The following NRG3 variants were observed in gnomAD, a reference collection of about 807,000 sequenced individuals.
The protein encoded by NRG3 is neuregulin 3.
A neutral mutation model predicts 66.9 loss-of-function variants in NRG3; 31 were observed. That is an observed-to-expected ratio of 0.46 (90% confidence interval 0.35 to 0.63). The LOEUF (loss-of-function observed/expected upper bound fraction) is 0.63, where lower values mean the gene tolerates loss of function less well. Among genes scored for constraint, NRG3 ranks in the 20% least tolerant of loss-of-function variants. NRG3 has a pLI of 0.00. For missense variants in NRG3, 910 were observed against 878.9 expected, an observed-to-expected ratio of 1.04 and a Z score of -0.45; for synonymous variants, 393 against 359.4, an observed-to-expected ratio of 1.09 and a Z score of -1.06.
intron 1 of NRG3, among the ~76,000 whole-genome samples, chr10:81,935,473 A>C (rs1169454711): frequency 2.0e-5 from 3 of 152,150 alleles, no homozygotes; most frequent in South Asian, 4.1e-4. Context: ...GTAGCTGAGA[A>C]ACTTTAGAGT....
rs1554831231 is a variant in NRG3 at position 82,132,524 on chromosome 10, TG to T, written c.824-226214del. Reference sequence around the variant, plus strand: ...ATATATCATATATATATGATATATATGATATATATATGATATATATATATCT... The same window carrying T: ...ATATATCATATATATATGATATATATATATATATATGATATATATATATCT... On this transcript the variant is annotated intron_variant, in intron 1 of 8. Transcript: ENST00000372141. 3.8e-4 allele frequency among the ~76,000 whole-genome samples: 8 copies of T among 20,856 alleles called. 2 individuals carry two copies. The highest frequency in any genetic ancestry group is 8.6e-4 in the African/African-American group (6 of 6,952). The allele number at this position is 20,856 out of a possible 152,430, so 13.7% of individuals were successfully genotyped here. A position where few individuals can be genotyped will look rare whatever the true frequency, so the allele number is the denominator to read the frequency against.
rs1374295086 is a variant in NRG3, at chr10:82,404,610, C to T, written c.953+45742C>T. Among the ~76,000 whole-genome samples, 5 of 152,120 alleles carry T rather than the reference C, an allele frequency of 3.3e-5. 1 individual carries two copies. In the South Asian group the frequency reaches 6.2e-4, roughly 19 times the overall value. On this transcript the variant is annotated intron_variant, in intron 2 of 8. Transcript: ENST00000372141. ...GATGAATGGGTAATAAATAGAGAGA[C>T]ATTTTACTACATAAAAGCTTTCCTA...
chr10:82,785,421 C>T (rs1431097800), intron 3 of NRG3, among the ~76,000 whole-genome samples: 1 of 151,506 alleles, frequency 6.6e-6, no homozygotes, highest in Non-Finnish European at 1.5e-5. Context: ...AGAACTGTAG[C>T]GAGAGCCTAC....
At chr10:82,192,359 G>A (rs1219014249) in intron 1 of NRG3, among the ~76,000 whole-genome samples, 2 of 152,150 alleles carry the variant, frequency 1.3e-5, no homozygotes, top group African/African-American at 4.8e-5. Context: ...CTTTTAATTA[G>A]TAACAGGTAT....
intron 2 of NRG3, among the ~76,000 whole-genome samples, chr10:82,638,343 G>T (rs1000165064): frequency 6.6e-6 from 1 of 152,282 alleles, no homozygotes. Flanking sequence ...TTAGGTGGAT[G>T]AAATATTTTG....
At chr10:81,946,018 C>T (rs1051333763) in intron 1 of NRG3, among the ~76,000 whole-genome samples, 1 of 152,098 alleles carries the variant, frequency 6.6e-6, no homozygotes, top group African/African-American at 2.4e-5. Flanking sequence ...TTGCTGATAC[C>T]TTGATCTTCT....
chr10:82,506,579 A>C (rs1844702126), intron 2 of NRG3, among the ~76,000 whole-genome samples: 1 of 151,346 alleles, frequency 6.6e-6, no homozygotes, highest in African/African-American at 2.4e-5. Context: ...TTTCCTGCCT[A>C]CCTACCTTTC....
chr10:82,693,706 T>TC (rs2055131335), intron 2 of NRG3, among the ~76,000 whole-genome samples: 1 of 152,204 alleles, frequency 6.6e-6, no homozygotes, highest in Non-Finnish European at 1.5e-5. Flanking sequence ...GTTACAGCTC[T>TC]TAAAGGTGGT....
intron 3 of NRG3, among the ~76,000 whole-genome samples, chr10:82,854,833 A>G (rs548032141): frequency 6.6e-6 from 1 of 152,262 alleles, no homozygotes; most frequent in South Asian, 2.1e-4. Context: ...AATTCTTTTC[A>G]CTACATTCTC....
chr10:82,332,528 G>A (rs567185515), intron 1 of NRG3, among the ~76,000 whole-genome samples: 75 of 152,200 alleles, frequency 4.9e-4, no homozygotes, highest in African/African-American at 1.6e-3. Context: ...ATGATCAGCC[G>A]CTGACCCAAC....
At chr10:82,932,805 T>C (rs1248525017) in intron 4 of NRG3, among the ~76,000 whole-genome samples, 4 of 152,292 alleles carry the variant, frequency 2.6e-5, no homozygotes, top group East Asian at 1.9e-4. Flanking sequence ...GTCAGAGACC[T>C]TGTGGTCATC....
At position 82,635,666 on chromosome 10, in the gene NRG3, A is replaced by G. The variant is rs902355023; in HGVS notation, c.954-102911A>G. Among the ~76,000 whole-genome samples, 3 of 152,310 alleles carry G rather than the reference A, an allele frequency of 2.0e-5. No homozygotes were observed. The East Asian group carries it at 5.8e-4, about 29-fold the overall frequency. ...AATACATTTTTTGGTTTGAAACAACAGGCTAGACATCCATAGTATTACTTG... is the reference window on the plus strand; with the variant it reads ...AATACATTTTTTGGTTTGAAACAACGGGCTAGACATCCATAGTATTACTTG... On this transcript the variant is annotated intron_variant, in intron 2 of 8. Transcript: ENST00000372141.
chr10:82,356,390 G>T (rs988861505), intron 1 of NRG3, among the ~76,000 whole-genome samples: 2 of 152,170 alleles, frequency 1.3e-5, no homozygotes, highest in Admixed American at 1.3e-4. Context: ...AACTGATCAT[G>T]AGTTAATATA....
intron 1 of NRG3, among the ~76,000 whole-genome samples, chr10:82,280,681 T>G (rs1333468318): frequency 3.9e-5 from 6 of 152,138 alleles, no homozygotes; most frequent in African/African-American, 1.4e-4. Context: ...TCATCTCCAT[T>G]TAGACTACAC....
intron 3 of NRG3, among the ~76,000 whole-genome samples, chr10:82,832,359 C>G (rs1431140762): frequency 3.6e-4 from 55 of 152,158 alleles, no homozygotes; most frequent in Non-Finnish European, 2.5e-4. Flanking sequence ...ATCCCTCCTC[C>G]TTGTTGCTGA....
intron 4 of NRG3, among the ~76,000 whole-genome samples, chr10:82,870,459 A>G (rs1019059296): frequency 2.6e-5 from 4 of 152,164 alleles, no homozygotes; most frequent in African/African-American, 9.7e-5. Context: ...AAAAAGCATG[A>G]CTGCTGGGTC....
At chr10:82,973,691 A>G in intron 6 of NRG3, 97 bp from the exon 7 acceptor site, 1 of 1,349,514 alleles carries the variant, frequency 7.4e-7, no homozygotes, top group Non-Finnish European at 1.1e-6. Flanking sequence ...ACCAGGAGGA[A>G]CTGGCATTCC....
intron 2 of NRG3, among the ~76,000 whole-genome samples, chr10:82,712,673 G>T (rs2056744071): frequency 6.6e-6 from 1 of 152,146 alleles, no homozygotes. Context: ...GCTGGTCAGG[G>T]CAGGGCTCAC....
At chr10:82,213,904 C>T (rs1475360898) in intron 1 of NRG3, among the ~76,000 whole-genome samples, 1 of 152,070 alleles carries the variant, frequency 6.6e-6, no homozygotes, top group Non-Finnish European at 1.5e-5. Flanking sequence ...TTCGACTGCT[C>T]AAACCCATTG....
Sources: gnomAD v4.1 joint callset for allele counts (sites outside exome capture counted in the v4.1 genomes callset) on GRCh38, gnomAD v4.1.1 for gene constraint, MANE v1.5 for transcripts, NCBI Gene and HGNC (gene_info 2026-07-23, HGNC 2026-07-21) for gene names.